The following XXYLT1 variants were observed in gnomAD, a reference collection of about 807,000 sequenced individuals.
XXYLT1 encodes the protein UDP-xylose:alpha-xyloside alpha-1,3-xylosyltransferase.
Under a neutral mutation model 28.9 loss-of-function variants are expected in XXYLT1, and 20 were observed. The observed-to-expected ratio is 0.69, with a 90% CI of 0.49 to 1.00. The LOEUF is 1.00. XXYLT1 is among the 50% of genes least tolerant of loss of function. XXYLT1 has a pLI of 0.00. For missense variants in XXYLT1, 542 were observed against 560.1 expected, an observed-to-expected ratio of 0.97 and a Z score of 0.33; for synonymous variants, 257 against 253.8, an observed-to-expected ratio of 1.01 and a Z score of -0.12.
chr3:195,132,936 A>G (rs1718976286), intron 3 of XXYLT1, among the ~76,000 whole-genome samples: 1 of 152,254 alleles, frequency 6.6e-6, no homozygotes, highest in Non-Finnish European at 1.5e-5. Context: ...TTCTCTTTCT[A>G]CCAAAACCAT....
intron 2 of XXYLT1, among the ~76,000 whole-genome samples, chr3:195,202,171 C>T (rs9865033): frequency 7.4e-4 from 112 of 151,672 alleles, no homozygotes; most frequent in Middle Eastern, 3.4e-3. Context: ...AGTGAGACTC[C>T]GTCTCAAAAA....
intron 3 of XXYLT1, among the ~76,000 whole-genome samples, chr3:195,140,664 T>A (rs1374867665): frequency 7.8e-6 from 1 of 128,140 alleles, no homozygotes; most frequent in African/African-American, 2.9e-5. Context: ...AGAGAGAGAG[T>A]GAGAACAAAA....
chr3:195,118,748 G>T (rs1013084153), intron 3 of XXYLT1, among the ~76,000 whole-genome samples: 1 of 152,146 alleles, frequency 6.6e-6, no homozygotes, highest in African/African-American at 2.4e-5. Context: ...GAGAGACCTG[G>T]GCCTGGAGTT....
intron 3 of XXYLT1, among the ~76,000 whole-genome samples, chr3:195,114,908 G>A (rs971709377): frequency 5.3e-5 from 8 of 152,230 alleles, no homozygotes; most frequent in African/African-American, 1.2e-4. Context: ...AGGTGCTAAC[G>A]CCAAGTGTGG....
intron 3 of XXYLT1, among the ~76,000 whole-genome samples, chr3:195,149,423 T>C (rs142084668): frequency 9.9e-5 from 15 of 152,222 alleles, no homozygotes; most frequent in South Asian, 4.1e-4. Flanking sequence ...AGAAACCATA[T>C]TGGAGATCAG....
At chr3:195,081,341 T>C (rs1226011765) in intron 3 of XXYLT1, among the ~76,000 whole-genome samples, 1 of 152,212 alleles carries the variant, frequency 6.6e-6, no homozygotes, top group Non-Finnish European at 1.5e-5. Context: ...GGTTCTATGC[T>C]AATACTTGTC....
At chr3:195,177,510 G>A (rs1438223920) in intron 2 of XXYLT1, among the ~76,000 whole-genome samples, 1 of 152,212 alleles carries the variant, frequency 6.6e-6, no homozygotes, top group Non-Finnish European at 1.5e-5. Context: ...GACACAACCT[G>A]GTGGGGTAGG....
At chr3:195,214,448 C>A (rs1723469148) in intron 2 of XXYLT1, among the ~76,000 whole-genome samples, 1 of 152,138 alleles carries the variant, frequency 6.6e-6, no homozygotes, top group African/African-American at 2.4e-5. Context: ...AGCCCCCACC[C>A]CCGTCAATCC....
At position 195,256,823 on chromosome 3, in the gene XXYLT1, G is replaced by A. The variant is rs144520497; in HGVS notation, c.504+13732C>T. On this transcript the variant is annotated intron_variant, in intron 1 of 3. Coordinates refer to ENST00000310380, the MANE Select transcript of XXYLT1 (RefSeq NM_152531.5). This position sits in a 1 kb window ranked among gnomAD's most constrained non-coding sequence, Gnocchi z 4.2. ...CCACCACACTCCAGCTGAAGTGAGC[G>A]CCCAGGGGCAGGTGCAGGCTGAAGA... 4.3e-4 allele frequency among the ~76,000 whole-genome samples: 65 copies of A among 152,324 alleles called. No homozygotes were observed. The highest frequency in any genetic ancestry group is 1.5e-3 in the African/African-American group (61 of 41,576).
chr3:195,103,497 A>C (rs1274303720), intron 3 of XXYLT1, among the ~76,000 whole-genome samples: 1 of 152,264 alleles, frequency 6.6e-6, no homozygotes, highest in African/African-American at 2.4e-5. Context: ...ATGGGCCTAA[A>C]TCACACACAC....
intron 2 of XXYLT1, among the ~76,000 whole-genome samples, chr3:195,174,809 G>T (rs1240802563): frequency 6.7e-6 from 1 of 149,680 alleles, no homozygotes; most frequent in South Asian, 2.1e-4. Context: ...TAGAGATTGG[G>T]TCCCACTATG....
At chr3:195,149,327 T>C (rs1720054133) in intron 3 of XXYLT1, among the ~76,000 whole-genome samples, 1 of 152,160 alleles carries the variant, frequency 6.6e-6, no homozygotes, top group South Asian at 2.1e-4. Flanking sequence ...ATAACAATTG[T>C]TTTCATCCGA....
intron 1 of XXYLT1, among the ~76,000 whole-genome samples, chr3:195,250,536 C>T (rs940086327): frequency 2.6e-5 from 4 of 151,494 alleles, no homozygotes; most frequent in Admixed American, 6.6e-5. Flanking sequence ...TGCACTCCAG[C>T]CTGGGCGGCA....
chr3:195,204,411 G>A (rs1722979219), intron 2 of XXYLT1, among the ~76,000 whole-genome samples: 2 of 151,870 alleles, frequency 1.3e-5, no homozygotes, highest in Non-Finnish European at 2.9e-5. Flanking sequence ...ATGGGTCTGT[G>A]GCTAAAAGGT....
intron 1 of XXYLT1, among the ~76,000 whole-genome samples, chr3:195,248,083 A>G (rs983810817): frequency 2.6e-5 from 4 of 152,128 alleles, no homozygotes; most frequent in Non-Finnish European, 5.9e-5. Flanking sequence ...GGTTTCACAA[A>G]GCCGCTCATC....
At chr3:195,130,983 A>G (rs1015790240) in intron 3 of XXYLT1, among the ~76,000 whole-genome samples, 20 of 152,206 alleles carry the variant, frequency 1.3e-4, no homozygotes, top group Non-Finnish European at 7.3e-5. Flanking sequence ...ACCTGCAAAC[A>G]CAACACCATT....
chr3:195,259,777 A>G (rs2108852296), intron 1 of XXYLT1: 1 of 599,648 alleles, frequency 1.7e-6, no homozygotes, highest in Admixed American at 6.3e-5. Context: ...GCGCCAGGAT[A>G]CCGAGGGGCC....
chr3:195,144,963 A>T (rs1201252053), intron 3 of XXYLT1, among the ~76,000 whole-genome samples: 1 of 151,636 alleles, frequency 6.6e-6, no homozygotes, highest in Non-Finnish European at 1.5e-5. Flanking sequence ...AATATGATTC[A>T]CCCTTATGTC....
At chr3:195,093,828 C>T in intron 3 of XXYLT1, 1 of 152,264 alleles carries the variant, frequency 6.6e-6, no homozygotes, top group East Asian at 1.9e-4. Flanking sequence ...ATCTGGCCGT[C>T]CTCCCGCTGC....
Sources: gnomAD v4.1 joint callset for allele counts (sites outside exome capture counted in the v4.1 genomes callset) on GRCh38, gnomAD v4.1.1 for gene constraint, Gnocchi (gnomAD v3.1) non-coding constraint, MANE v1.5 for transcripts, NCBI Gene and HGNC (gene_info 2026-07-23, HGNC 2026-07-21) for gene names.